DPP6: variants seen among roughly 807,000 people sequenced by gnomAD.
The protein encoded by DPP6 is dipeptidyl peptidase like 6, also known as A-type potassium channel modulatory protein DPP6.
A neutral mutation model predicts 122.6 loss-of-function variants in DPP6; 69 were observed. The observed-to-expected ratio is 0.56, with a 90% CI of 0.46 to 0.69. The LOEUF (loss-of-function observed/expected upper bound fraction) is 0.69. Ranked by LOEUF, DPP6 falls within the 30% of genes least tolerant of loss-of-function variation. The pLI, the probability that DPP6 is intolerant of heterozygous loss-of-function variation, is 0.00. For synonymous variants in DPP6, 418 were observed against 433.1 expected (o/e 0.97, Z 0.43); for missense variants, 928 against 1,116.9 (o/e 0.83, Z 2.41).
intron 3 of DPP6, among the ~76,000 whole-genome samples, chr7:154,494,802 GTTAATAA>G (rs1824586049): frequency 6.6e-6 from 1 of 152,114 alleles, no homozygotes; most frequent in African/African-American, 2.4e-5. Context: ...AATGCATTCA[GTTAATAA>G]TTGAAAAAAT....
intron 5 of DPP6, chr7:154,587,508 C>G (rs1832534062): frequency 1.2e-6 from 1 of 852,838 alleles, no homozygotes; most frequent in Admixed American, 2.7e-5. Flanking sequence ...TATTGTACCT[C>G]TGCTTGAAGA....
At chr7:154,125,864 A>G (rs1386799241) in intron 1 of DPP6, among the ~76,000 whole-genome samples, 1 of 152,164 alleles carries the variant, frequency 6.6e-6, no homozygotes, top group Non-Finnish European at 1.5e-5. Flanking sequence ...GACACAGTCC[A>G]TTTCCACTTT....
chr7:153,992,493 C>G, intron 1 of DPP6, among the ~76,000 whole-genome samples: 1 of 151,856 alleles, frequency 6.6e-6, no homozygotes, highest in Non-Finnish European at 1.5e-5. Flanking sequence ...AACTAATGCC[C>G]TTTTCTTCCT....
At chr7:154,065,646 AT>A (rs1260215438) in intron 1 of DPP6, among the ~76,000 whole-genome samples, 1 of 151,924 alleles carries the variant, frequency 6.6e-6, no homozygotes, top group African/African-American at 2.4e-5. Flanking sequence ...TCAAGGTATA[AT>A]GGCAAAAGGC....
At chr7:154,316,937 G>C (rs1378943910) in intron 1 of DPP6, among the ~76,000 whole-genome samples, 1 of 152,118 alleles carries the variant, frequency 6.6e-6, no homozygotes, top group African/African-American at 2.4e-5. Context: ...TGGACAAGTT[G>C]GGTAACCTCA....
intron 1 of DPP6, among the ~76,000 whole-genome samples, chr7:154,432,656 A>G (rs1818522731): frequency 6.6e-6 from 1 of 152,174 alleles, no homozygotes; most frequent in African/African-American, 2.4e-5. Context: ...GGTTATTGTC[A>G]TTATTGTTTT....
intron 1 of DPP6, among the ~76,000 whole-genome samples, chr7:154,150,258 C>T (rs1392587017): frequency 6.6e-6 from 1 of 152,132 alleles, no homozygotes; most frequent in African/African-American, 2.4e-5. Flanking sequence ...AGCTCCCTCT[C>T]TCATTTGGCA....
chr7:153,939,434 A>G (rs1661447191), intron 1 of DPP6, among the ~76,000 whole-genome samples: 1 of 152,248 alleles, frequency 6.6e-6, no homozygotes, highest in Admixed American at 6.5e-5. Context: ...ACAGCTTTCC[A>G]GTCTAGCAAC....
intron 1 of DPP6, among the ~76,000 whole-genome samples, chr7:154,016,136 C>T (rs28634612): frequency 0.076 from 11,556 of 152,146 alleles, 529 homozygotes; most frequent in African/African-American, 0.14. Flanking sequence ...ATGATACCTC[C>T]GCAGTGACGC....
At chr7:154,275,875 C>T (rs79211657) in intron 1 of DPP6, among the ~76,000 whole-genome samples, 3,146 of 152,364 alleles carry the variant, frequency 0.021, 120 homozygotes, top group African/African-American at 0.072. Context: ...ATTCTCACCC[C>T]ACTCTTTCCT....
intron 8 of DPP6, among the ~76,000 whole-genome samples, chr7:154,758,849 A>G (rs936944171): frequency 6.6e-6 from 1 of 152,254 alleles, no homozygotes; most frequent in African/African-American, 2.4e-5. Flanking sequence ...AGTAGAAGAA[A>G]GGCAGCCCAG....
chr7:154,145,283 G>A (rs971103408), intron 1 of DPP6, among the ~76,000 whole-genome samples: 1 of 152,162 alleles, frequency 6.6e-6, no homozygotes, highest in African/African-American at 2.4e-5. Context: ...AGACCTCCTT[G>A]TCATGAACTG....
At chr7:154,386,228 C>A (rs943942117) in intron 1 of DPP6, among the ~76,000 whole-genome samples, 3 of 152,122 alleles carry the variant, frequency 2.0e-5, no homozygotes, top group African/African-American at 7.2e-5. Flanking sequence ...GCAACTGTTT[C>A]CATCCTCTCG....
At chr7:154,446,092 G>A (rs779091929) in intron 1 of DPP6, 122 bp from the exon 2 acceptor site, 1 of 614,572 alleles carries the variant, frequency 1.6e-6, no homozygotes, top group Non-Finnish European at 2.8e-6. Flanking sequence ...CTTCAAGAAT[G>A]GGAAGATGCC....
intron 5 of DPP6, among the ~76,000 whole-genome samples, chr7:154,618,000 G>A (rs929747772): frequency 9.2e-5 from 14 of 152,042 alleles, no homozygotes; most frequent in African/African-American, 3.4e-4. Context: ...CTGCAGACCC[G>A]GGACTCAAAC....
At chr7:154,583,269 G>A (rs1231888808) in intron 5 of DPP6, among the ~76,000 whole-genome samples, 1 of 152,232 alleles carries the variant, frequency 6.6e-6, no homozygotes, top group East Asian at 1.9e-4. Flanking sequence ...CAGCAGGTCG[G>A]TTTCTGGTGA....
At chr7:154,027,398 G>T (rs1197393987) in intron 1 of DPP6, among the ~76,000 whole-genome samples, 1 of 152,108 alleles carries the variant, frequency 6.6e-6, no homozygotes, top group Non-Finnish European at 1.5e-5. Flanking sequence ...GCACTTGGCC[G>T]TCTTCTGCAT....
chr7:154,717,994 G>C (rs1841587754), intron 7 of DPP6, among the ~76,000 whole-genome samples: 1 of 152,154 alleles, frequency 6.6e-6, no homozygotes, highest in African/African-American at 2.4e-5. Context: ...GCATTTCTCT[G>C]ATGATTAGTG....
At chr7:154,124,695 T>C (rs1019993634) in intron 1 of DPP6, among the ~76,000 whole-genome samples, 4 of 152,228 alleles carry the variant, frequency 2.6e-5, no homozygotes, top group African/African-American at 9.7e-5. Context: ...TTGTGCTTTT[T>C]GAGCAATTGG....
Sources: allele counts gnomAD v4.1 joint callset (sites outside exome capture counted in the v4.1 genomes callset), GRCh38; gene constraint gnomAD v4.1.1; transcripts MANE v1.5; gene names NCBI Gene and HGNC (gene_info 2026-07-23, HGNC 2026-07-21).